Variants in ARHGEF10 observed in about 807,000 individuals in gnomAD.
ARHGEF10 encodes Rho guanine nucleotide exchange factor 10, also known as Rho guanine nucleotide exchange factor (GEF) 10.
In ARHGEF10, 140 loss-of-function variants were observed where a neutral mutation model predicts 147.4. That is an observed-to-expected ratio of 0.95 (90% CI 0.83 to 1.09). ARHGEF10 has a LOEUF of 1.09. Among genes scored for constraint, ARHGEF10 ranks in the 50% least tolerant of loss-of-function variants. The pLI, the probability that ARHGEF10 is intolerant of heterozygous loss-of-function variation, is 0.00. For missense variants in ARHGEF10, 2,222 were observed against 1,752.7 expected, an observed-to-expected ratio of 1.27 and a Z score of -4.78; for synonymous variants, 902 against 695.8, an observed-to-expected ratio of 1.30 and a Z score of -4.67.
intron 26 of ARHGEF10, among the ~76,000 whole-genome samples, chr8:1,936,045 A>G (rs1214496091): frequency 5.9e-5 from 9 of 152,194 alleles, no homozygotes; most frequent in Non-Finnish European, 2.9e-5. Flanking sequence ...AAAAGGCTAC[A>G]TACTTCCCCT....
At chr8:1,828,033 A>C (rs1302078998) in intron 1 of ARHGEF10, among the ~76,000 whole-genome samples, 3 of 152,364 alleles carry the variant, frequency 2.0e-5, no homozygotes, top group African/African-American at 7.2e-5. Flanking sequence ...AATGACCGTC[A>C]GTCCCTGGGG....
In ARHGEF10 at chr8:1,866,604, T is replaced by C; in HGVS notation, c.622+2T>C. 6.2e-7 allele frequency: 1 copy of C among 1,603,962 alleles called. No individual in the cohort carries two copies. Among genetic ancestry groups the C allele is most frequent in the Non-Finnish European group, 8.5e-7 (1 of 1,179,886 alleles). ...CGGCCAACACAGCCTGGATGGAGAG[T>C]AAGTTCCCCAGCTGCCCACAGCCAG... On this transcript the variant is annotated splice_donor_variant, in intron 6 of 28. Coordinates refer to ENST00000349830, the MANE Select transcript of ARHGEF10 (RefSeq NM_014629.4). LOFTEE classifies it high-confidence loss of function.
chr8:1,853,819 C>G (rs10108243), intron 2 of ARHGEF10, among the ~76,000 whole-genome samples: 1 of 152,046 alleles, frequency 6.6e-6, no homozygotes, highest in African/African-American at 2.4e-5. Flanking sequence ...TGGGCACTCC[C>G]GGGAGTTCCT....
chr8:1,896,575 A>G, intron 14 of ARHGEF10, 126 bp downstream of exon 14: 1 of 755,552 alleles, frequency 1.3e-6, no homozygotes. Context: ...TAGATATTGG[A>G]TTAATGCTAG....
chr8:1,841,159 T>C (rs1480097939), intron 1 of ARHGEF10, among the ~76,000 whole-genome samples: 1 of 152,082 alleles, frequency 6.6e-6, no homozygotes. Flanking sequence ...CTTGGGTGAG[T>C]GTCTCAAGTC....
chr8:1,848,245 G>A (rs1378109834), intron 2 of ARHGEF10, among the ~76,000 whole-genome samples: 1 of 152,210 alleles, frequency 6.6e-6, no homozygotes, highest in Non-Finnish European at 1.5e-5. Context: ...TAGTCCTCAG[G>A]TTAAGTGGCT....
chr8:1,895,217 A>G (rs549862919), intron 13 of ARHGEF10, among the ~76,000 whole-genome samples: 1 of 152,272 alleles, frequency 6.6e-6, no homozygotes, highest in African/African-American at 2.4e-5. Flanking sequence ...GTTTCGAGTC[A>G]TTTTATCCTC....
chr8:1,874,298 G>A (rs745865729), intron 7 of ARHGEF10, among the ~76,000 whole-genome samples: 14 of 152,182 alleles, frequency 9.2e-5, no homozygotes, highest in Non-Finnish European at 1.6e-4. Flanking sequence ...ACAGACCTAA[G>A]TAAAGGCGTC....
chr8:1,957,129 G>C lies in ARHGEF10; in HGVS notation c.3901G>C (p.Ala1301Pro). The change falls in exon 29 of 29, where the codon GCC becomes CCC. Residue 1301 changes from alanine (A) to proline (P), a missense_variant. Ala to Pro is a conservative substitution (Grantham distance 27). Transcript: ENST00000349830. ...LRSKARRAKKAKASSALVVCG... is the reference protein window; with the variant it reads ...LRSKARRAKKPKASSALVVCG... ...AAGCAAAGCACGCCGGGCCAAGAAA[G>C]CCAAGGCCAGCTCGGCGCTGGTGGT... is the stretch of plus-strand genomic sequence containing the variant. 6.2e-7 allele frequency: 1 copy of C among 1,613,016 alleles called. No individual in the cohort carries two copies. Among genetic ancestry groups the C allele is most frequent in the Non-Finnish European group, 8.5e-7 (1 of 1,180,050 alleles).
intron 2 of ARHGEF10, among the ~76,000 whole-genome samples, chr8:1,853,692 G>C (rs889654076): frequency 1.3e-5 from 2 of 152,212 alleles, no homozygotes; most frequent in African/African-American, 2.4e-5. Context: ...CCGAGCTTGC[G>C]GGGGAGCCTC....
rs547007518 is a variant in ARHGEF10 at position 1,871,522 on chromosome 8, A to G, written c.679+2272A>G. Reference sequence around the variant, plus strand: ...TCTAAGGAATTATAGACATAATGGCATATGTTAATAAAACAGAATGGGCGC... The same window carrying G: ...TCTAAGGAATTATAGACATAATGGCGTATGTTAATAAAACAGAATGGGCGC... On this transcript the variant is annotated intron_variant, in intron 7 of 28. Coordinates refer to ENST00000349830, the MANE Select transcript of ARHGEF10 (RefSeq NM_014629.4). Among the ~76,000 whole-genome samples, 6 of 152,344 alleles carry G rather than the reference A, an allele frequency of 3.9e-5. No individual in the cohort carries two copies. The South Asian group carries it at 1.2e-3, about 32-fold the overall frequency.
chr8:1,896,876 T>G (rs1810019145), intron 14 of ARHGEF10, among the ~76,000 whole-genome samples: 2 of 152,174 alleles, frequency 1.3e-5, no homozygotes, highest in Admixed American at 1.3e-4. Flanking sequence ...CAGGCTGTGT[T>G]CCTCCCAATG....
At chr8:1,938,972 C>G (rs1001106992) in intron 26 of ARHGEF10, among the ~76,000 whole-genome samples, 3 of 133,236 alleles carry the variant, frequency 2.3e-5, no homozygotes, top group African/African-American at 8.8e-5. Context: ...ACACTGGAAT[C>G]CCAGCCCCCA....
chr8:1,837,615 T>C (rs953180043), intron 1 of ARHGEF10, among the ~76,000 whole-genome samples: 12 of 152,190 alleles, frequency 7.9e-5, no homozygotes, highest in African/African-American at 2.9e-4. Context: ...GTGCTGGTGT[T>C]GTGTTCATTC....
intron 26 of ARHGEF10, among the ~76,000 whole-genome samples, chr8:1,935,916 G>C (rs1478373618): frequency 6.6e-6 from 1 of 152,218 alleles, no homozygotes; most frequent in East Asian, 1.9e-4. Flanking sequence ...AACACTGTCC[G>C]AGCTCACTCC....
intron 2 of ARHGEF10, among the ~76,000 whole-genome samples, chr8:1,849,616 G>C (rs534547020): frequency 1.3e-5 from 2 of 150,828 alleles, no homozygotes; most frequent in East Asian, 2.0e-4. Flanking sequence ...ATGCTGAGGA[G>C]GGCGTGGGGC....
At chr8:1,877,948 G>A (rs10441637) in intron 8 of ARHGEF10, among the ~76,000 whole-genome samples, 21,381 of 151,930 alleles carry the variant, frequency 0.14, 1,772 homozygotes, top group South Asian at 0.29. Context: ...CCCAGTAAGC[G>A]GAGATTTCAT....
chr8:1,951,978 T>C (rs1034133112), intron 27 of ARHGEF10, among the ~76,000 whole-genome samples: 1 of 11,452 alleles, frequency 8.7e-5, no homozygotes. Context: ...GAATAGGCCA[T>C]GCGTCTCCCA....
intron 2 of ARHGEF10, among the ~76,000 whole-genome samples, chr8:1,845,882 G>C (rs1433748713): frequency 6.6e-6 from 1 of 152,298 alleles, no homozygotes; most frequent in East Asian, 1.9e-4. Flanking sequence ...GGGTGCCCAG[G>C]GTTCCCTGCA....
Sources: allele counts gnomAD v4.1 joint callset (sites outside exome capture counted in the v4.1 genomes callset), GRCh38; gene constraint gnomAD v4.1.1; transcripts MANE v1.5; gene names NCBI Gene and HGNC (gene_info 2026-07-23, HGNC 2026-07-21).